Variants in CPEB2 observed in about 807,000 individuals in gnomAD.
CPEB2 encodes the protein cytoplasmic polyadenylation element-binding protein 2.
A neutral mutation model predicts 93.6 loss-of-function variants in CPEB2; 56 were observed. That is an observed-to-expected ratio of 0.60 (90% confidence interval 0.48 to 0.75). CPEB2 has a LOEUF of 0.75. CPEB2 is among the 30% of genes least tolerant of loss of function. The pLI is 0.00. For synonymous variants in CPEB2, 764 were observed against 586.3 expected (o/e 1.30, Z -4.38); for missense variants, 1,579 against 1,395.1 (o/e 1.13, Z -2.10).
intron 4 of CPEB2, among the ~76,000 whole-genome samples, chr4:15,027,809 T>G (rs183049042): frequency 1.2e-3 from 180 of 152,310 alleles, no homozygotes; most frequent in Non-Finnish European, 2.2e-3. Context: ...AGCTAAGCAT[T>G]GTTCTTGAGG....
At chr4:15,022,470 A>G (rs1374331106) in intron 4 of CPEB2, among the ~76,000 whole-genome samples, 2 of 152,086 alleles carry the variant, frequency 1.3e-5, no homozygotes, top group African/African-American at 4.8e-5. Flanking sequence ...AGTATAGAAG[A>G]AAATCACATA....
chr4:15,020,088 C>T (rs924300648), intron 4 of CPEB2, among the ~76,000 whole-genome samples: 10 of 152,194 alleles, frequency 6.6e-5, no homozygotes, highest in Admixed American at 5.9e-4. Context: ...ATGGACCTCT[C>T]TACAGGGCTG....
intron 6 of CPEB2, among the ~76,000 whole-genome samples, chr4:15,041,660 C>T (rs1245528959): frequency 2.6e-5 from 4 of 152,128 alleles, no homozygotes; most frequent in African/African-American, 9.7e-5. Context: ...ACCTCGGCCT[C>T]CCAAAGTGCT....
chr4:15,054,427 C>G (rs940823852), intron 8 of CPEB2, among the ~76,000 whole-genome samples: 1 of 152,120 alleles, frequency 6.6e-6, no homozygotes, highest in African/African-American at 2.4e-5. Context: ...CAATATCTCT[C>G]TGCATTATGA....
rs961209113 is a variant in CPEB2, at chr4:15,068,789, C to T, written c.*2409C>T. On this transcript the variant is annotated 3_prime_UTR_variant, in exon 12 of 12. Transcript: ENST00000538197. The stretch of plus-strand genomic sequence containing the variant: ...TGGAATGAAGGGGAATGTACTAGAA[C>T]ACCCTTTTTGCCACGGGTAAAAATA... 5.9e-5 allele frequency: 9 copies of T among 152,096 alleles called. No individual in the cohort carries two copies. The highest frequency in any genetic ancestry group is 5.9e-4 in the Admixed American group (9 of 15,214). The allele number at this position is 152,096 out of a possible 1,614,324, so 9.4% of individuals were successfully genotyped here. A position where few individuals can be genotyped will look rare whatever the true frequency, so the allele number is the denominator to read the frequency against.
At chr4:15,023,559 G>A (rs1008930970) in intron 4 of CPEB2, among the ~76,000 whole-genome samples, 4 of 151,894 alleles carry the variant, frequency 2.6e-5, no homozygotes, top group Admixed American at 6.6e-5. Context: ...TAAAATATTT[G>A]CAGTAATTAA....
chr4:15,007,556 C>A lies in CPEB2; in HGVS notation c.1914C>A (p.Asp638Glu). ...TTGAAGATAATGTGTTCAGAACAGA[C>A]AACAATAGTAATACACTCTTACCCT... ...SWIEDNVFRT[D>E]NNSNTLLPLQ... The change falls in exon 2 of 12, where the codon GAC becomes GAA. Residue 638 changes from aspartate to glutamate, a missense_variant. By Grantham distance (45) the Asp-to-Glu change is conservative (BLOSUM62 2). Transcript: ENST00000538197. The A allele has an allele frequency of 6.2e-7, 1 of 1,607,634 alleles. No homozygotes were observed. The highest frequency in any genetic ancestry group is 8.5e-7 in the Non-Finnish European group (1 of 1,175,878).
intron 4 of CPEB2, among the ~76,000 whole-genome samples, chr4:15,019,930 T>A (rs539935558): frequency 6.6e-6 from 1 of 152,206 alleles, no homozygotes; most frequent in South Asian, 2.1e-4. Context: ...GCTGGTTACT[T>A]CTGGCTAAGG....
rs140854413 is a variant in CPEB2, at chr4:15,059,156, G to C, written c.2581-31G>C. Reference sequence around the variant, plus strand: ...CAGAAAATTCTCATAAGACATCAAGGGAGTAAGACCCAATGTAATTTTCTT... The same window carrying C: ...CAGAAAATTCTCATAAGACATCAAGCGAGTAAGACCCAATGTAATTTTCTT... On this transcript the variant is annotated intron_variant, in intron 9 of 11. Transcript: ENST00000538197. 376 of 1,299,586 alleles carry C rather than the reference G, an allele frequency of 2.9e-4. 6 individuals carry two copies. The East Asian group carries it at 7.9e-3, about 27-fold the overall frequency. 80.5% of individuals were successfully genotyped at this position (1,299,586 alleles called of 1,614,324 possible).
intron 1 of CPEB2, among the ~76,000 whole-genome samples, chr4:15,006,889 A>G (rs1440395615): frequency 6.6e-6 from 1 of 152,198 alleles, no homozygotes; most frequent in Non-Finnish European, 1.5e-5. Context: ...GGATATTTTA[A>G]TTAACAAAGA....
chr4:15,046,147 G>A (rs1156671165), intron 6 of CPEB2, among the ~76,000 whole-genome samples: 2 of 152,142 alleles, frequency 1.3e-5, no homozygotes, highest in East Asian at 1.9e-4. Context: ...AGTTCATAGA[G>A]CAAGTATATG....
At chr4:15,030,757 G>A (rs981149048) in intron 4 of CPEB2, among the ~76,000 whole-genome samples, 2 of 151,966 alleles carry the variant, frequency 1.3e-5, no homozygotes, top group African/African-American at 2.4e-5. Flanking sequence ...TTTATAATAT[G>A]TATACATATG....
At chr4:15,042,827 T>C (rs79805150) in intron 6 of CPEB2, among the ~76,000 whole-genome samples, 1,914 of 152,276 alleles carry the variant, frequency 0.013, 39 homozygotes, top group African/African-American at 0.044. Flanking sequence ...ATGCTAGGTA[T>C]AATAAACCTC....
intron 3 of CPEB2, among the ~76,000 whole-genome samples, chr4:15,011,693 G>A (rs1000197408): frequency 1.3e-5 from 2 of 152,070 alleles, no homozygotes; most frequent in African/African-American, 4.8e-5. Flanking sequence ...TTATTCATAT[G>A]TTTTAAATCA....
chr4:15,057,385 G>A (rs1380573724), intron 8 of CPEB2, among the ~76,000 whole-genome samples: 1 of 152,090 alleles, frequency 6.6e-6, no homozygotes, highest in Non-Finnish European at 1.5e-5. Flanking sequence ...AGCTATGGTT[G>A]ACAATAAGCT....
chr4:15,013,122 T>C (rs928720323), intron 3 of CPEB2, among the ~76,000 whole-genome samples: 2 of 151,854 alleles, frequency 1.3e-5, no homozygotes, highest in African/African-American at 2.4e-5. Context: ...TCAGCCTTTC[T>C]AAGCTTTTAT....
chr4:15,041,777 T>C (rs1727213963), intron 6 of CPEB2, among the ~76,000 whole-genome samples: 1 of 152,202 alleles, frequency 6.6e-6, no homozygotes, highest in Admixed American at 6.6e-5. Context: ...CAAAACCATT[T>C]GCCACGACTG....
At chr4:15,049,262 T>C (rs905604411) in intron 6 of CPEB2, among the ~76,000 whole-genome samples, 2 of 152,092 alleles carry the variant, frequency 1.3e-5, no homozygotes, top group African/African-American at 4.8e-5. Flanking sequence ...TTCTTTTTTT[T>C]TTAATATAGA....
At chr4:15,049,248 C>T (rs931144124) in intron 6 of CPEB2, among the ~76,000 whole-genome samples, 11 of 151,214 alleles carry the variant, frequency 7.3e-5, no homozygotes, top group Non-Finnish European at 1.3e-4. Flanking sequence ...GATTTGTCAC[C>T]GCATTCTTTT....
Sources: gnomAD v4.1 joint callset for allele counts (sites outside exome capture counted in the v4.1 genomes callset) on GRCh38, gnomAD v4.1.1 for gene constraint, MANE v1.5 for transcripts, NCBI Gene and HGNC (gene_info 2026-07-23, HGNC 2026-07-21) for gene names.